The following INSL4 variants were observed in gnomAD, a reference collection of about 807,000 sequenced individuals.
INSL4 encodes insulin like 4.
INSL4 carries 7 observed loss-of-function variants against 6.5 expected under a neutral mutation model. That is an observed-to-expected ratio of 1.08 (90% confidence interval 0.61 to 2.02). The LOEUF (loss-of-function observed/expected upper bound fraction) is 2.02. Ranked by LOEUF, INSL4 falls within the 30% of genes most tolerant of loss-of-function variation. The pLI is 0.00. For synonymous variants in INSL4, 82 were observed against 65.8 expected (o/e 1.25, Z -1.19); for missense variants, 226 against 163.2 (o/e 1.38, Z -2.09).
chr9:5,231,770 C>T (rs757438594), intron 1 of INSL4, 51 bp downstream of exon 1: 3 of 1,519,116 alleles, frequency 2.0e-6, no homozygotes, highest in East Asian at 2.3e-5. Flanking sequence ...AAAAAACAGG[C>T]TCCAGATCTC....
chr9:5,233,637 T>A lies in INSL4; in HGVS notation c.197-17T>A. 6.3e-7 allele frequency: 1 copy of A among 1,593,960 alleles called. No homozygotes were observed. The highest frequency in any genetic ancestry group is 8.6e-7 in the Non-Finnish European group (1 of 1,162,966). ...AATGTTTTTCCTCACCTTTCATTCC[T>A]CTCTTTTACTTCACAGAAATGGTGT... On this transcript the variant is annotated splice_polypyrimidine_tract_variant and intron_variant, in intron 1 of 1. Transcript: ENST00000239316.
At position 5,231,706 on chromosome 9, in the gene INSL4, T is replaced by C; in HGVS notation, c.183T>C (p.Ser61=). 1 of 1,613,662 alleles carries C rather than the reference T, an allele frequency of 6.2e-7. No individual in the cohort carries two copies. The highest frequency in any genetic ancestry group is 8.5e-7 in the Non-Finnish European group (1 of 1,179,754). ...TTTPGGWLLE[S]GRPKEMVSTS... ...CCCCAGGAGGGTGGCTGCTGGAATC[T>C]GGACGTCCCAAAGGTGAGAGCCCTG... The change falls in exon 1 of 2, where the codon TCT becomes TCC. Residue 61 remains serine (S), a synonymous_variant. Coordinates refer to ENST00000239316, the MANE Select transcript of INSL4 (RefSeq NM_002195.2).
In INSL4 at chr9:5,233,951, T is replaced by A; in HGVS notation, c.*74T>A. Reference sequence around the variant, plus strand: ...AATGACAAATTCACTGATGCCCAATTAAATGATTGCTGTTTATTAGAACAT... The same window carrying A: ...AATGACAAATTCACTGATGCCCAATAAAATGATTGCTGTTTATTAGAACAT... On this transcript the variant is annotated 3_prime_UTR_variant, in exon 2 of 2. Transcript: ENST00000239316. 1 of 942,848 alleles carries A rather than the reference T, an allele frequency of 1.1e-6. No homozygotes were observed. The highest frequency in any genetic ancestry group is 1.7e-6 in the Non-Finnish European group (1 of 590,138). 58.4% of individuals were successfully genotyped at this position (942,848 alleles called of 1,614,324 possible). A position where few individuals can be genotyped will look rare whatever the true frequency, so the allele number is the denominator to read the frequency against.
rs1414255140 is a variant in INSL4, at chr9:5,231,427, G to C, written c.-97G>C. The C allele has an allele frequency of 8.4e-7, 1 of 1,195,526 alleles. No individual in the cohort carries two copies. The highest frequency in any genetic ancestry group is 2.4e-5 in the East Asian group (1 of 40,866). 74.1% of individuals were successfully genotyped at this position (1,195,526 alleles called of 1,614,324 possible). ...GAAGGCATGCAGAAAGCAGTCTGGA[G>C]CCCAGAAGGGACACACCAGCACAGT... On this transcript the variant is annotated 5_prime_UTR_variant, in exon 1 of 2. Coordinates refer to ENST00000239316, the MANE Select transcript of INSL4 (RefSeq NM_002195.2).
rs149004187 is a variant in INSL4 at position 5,231,673 on chromosome 9, C to T, written c.150C>T (p.Phe50=). The T allele has an allele frequency of 1.9e-5, 31 of 1,613,790 alleles. No homozygotes were observed. The African/African-American group carries it at 3.6e-4, about 19-fold the overall frequency. The change falls in exon 1 of 2, where the codon TTC becomes TTT. Residue 50 remains phenylalanine (F), a synonymous_variant. Coordinates refer to ENST00000239316, the MANE Select transcript of INSL4 (RefSeq NM_002195.2). ...LSYCPMPEKT[F]TTTPGGWLLE... ...ATTGCCCCATGCCTGAGAAGACATT[C>T]ACCACCACCCCAGGAGGGTGGCTGC... is the stretch of plus-strand genomic sequence containing the variant.
intron 1 of INSL4, among the ~76,000 whole-genome samples, chr9:5,232,695 A>G (rs967260138): frequency 1.3e-5 from 2 of 152,206 alleles, no homozygotes; most frequent in African/African-American, 2.4e-5. Context: ...AGAGGCTACT[A>G]TATTCTGTCT....
chr9:5,234,077 T>C lies in INSL4; in HGVS notation c.*200T>C, dbSNP rs555377027. 2.0e-5 allele frequency: 11 copies of C among 540,684 alleles called. No individual in the cohort carries two copies. The highest frequency in any genetic ancestry group is 1.8e-4 in the South Asian group (8 of 43,316). The allele number at this position is 540,684 out of a possible 1,614,324, so 33.5% of individuals were successfully genotyped here. ...AGATGGAATAAGTTCTAGTAGTTGA[T>C]AGTACAATGGGGAAATTATACTTAA... On this transcript the variant is annotated 3_prime_UTR_variant, in exon 2 of 2. Transcript: ENST00000239316.
In INSL4 at chr9:5,235,258, A is replaced by G. The variant is rs554803094; in HGVS notation, c.*1381A>G. 1.3e-5 allele frequency: 2 copies of G among 152,746 alleles called. No individual in the cohort carries two copies. The highest frequency in any genetic ancestry group is 1.9e-4 in the East Asian group (1 of 5,180). 9.5% of individuals were successfully genotyped at this position (152,746 alleles called of 1,614,324 possible). On this transcript the variant is annotated 3_prime_UTR_variant, in exon 2 of 2. Transcript: ENST00000239316. Reference sequence around the variant, plus strand: ...AGAGGATCTCAAACGATTCCACACAATGCAGCTATGGGGTTTAGGCTGCAT... The same window carrying G: ...AGAGGATCTCAAACGATTCCACACAGTGCAGCTATGGGGTTTAGGCTGCAT...
rs534278043 is a variant in INSL4, at chr9:5,234,657, G to C, written c.*780G>C. The C allele has an allele frequency of 1.3e-5, 2 of 152,330 alleles. No homozygotes were observed. The highest frequency in any genetic ancestry group is 2.1e-4 in the South Asian group (1 of 4,824). The allele number at this position is 152,330 out of a possible 1,614,324, so 9.4% of individuals were successfully genotyped here. On this transcript the variant is annotated 3_prime_UTR_variant, in exon 2 of 2. Transcript: ENST00000239316. ...AAGTGGTGAATTGGCACAAATACTG[G>C]CATTCCTCTGGCTACACATACCTCC...
chr9:5,235,264 C>T lies in INSL4; in HGVS notation c.*1387C>T, dbSNP rs983143158. On this transcript the variant is annotated 3_prime_UTR_variant, in exon 2 of 2. Transcript: ENST00000239316. ...TCTCAAACGATTCCACACAATGCAG[C>T]TATGGGGTTTAGGCTGCATCCTGGA... The T allele has an allele frequency of 1.3e-5, 2 of 152,574 alleles. No individual in the cohort carries two copies. The highest frequency in any genetic ancestry group is 1.5e-5 in the Non-Finnish European group (1 of 68,060). The allele number at this position is 152,574 out of a possible 1,614,324, so 9.5% of individuals were successfully genotyped here.
In INSL4 at chr9:5,234,096, T is replaced by C. The variant is rs1826191265; in HGVS notation, c.*219T>C. ...AGTTGATAGTACAATGGGGAAATTA[T>C]ACTTAACAATAATTCACTGTATATT... On this transcript the variant is annotated 3_prime_UTR_variant, in exon 2 of 2. Coordinates refer to ENST00000239316, the MANE Select transcript of INSL4 (RefSeq NM_002195.2). 8.1e-6 allele frequency: 4 copies of C among 494,756 alleles called. No homozygotes were observed. The highest frequency in any genetic ancestry group is 1.9e-5 in the African/African-American group (1 of 51,628). The allele number at this position is 494,756 out of a possible 1,614,324, so 30.6% of individuals were successfully genotyped here.
rs755031388 is a variant in INSL4 at position 5,233,785 on chromosome 9, T to C, written c.328T>C (p.Ser110Pro). 11 of 1,613,682 alleles carry C rather than the reference T, an allele frequency of 6.8e-6. No individual in the cohort carries two copies. The East Asian group carries it at 1.8e-4, about 26-fold the overall frequency. ...GQPSLKKIIL[S>P]RKKRSGRHRF... ...GCCATCATTGAAGAAAATAATACTT[T>C]CCCGCAAAAAGAGAAGTGGACGTCA... Residue 110 changes from serine to proline, a missense_variant, in exon 2 of 2, where the codon TCC (serine) becomes CCC (proline). By Grantham distance (74) the Ser-to-Pro change is moderately conservative. Coordinates refer to ENST00000239316, the MANE Select transcript of INSL4 (RefSeq NM_002195.2).
intron 1 of INSL4, 87 bp from the exon 2 acceptor site, chr9:5,233,567 G>A (rs1172521934): frequency 1.1e-6 from 1 of 950,748 alleles, no homozygotes; most frequent in South Asian, 1.5e-5. Context: ...TGGGTACATT[G>A]TGGTCTAGGC....
intron 1 of INSL4, among the ~76,000 whole-genome samples, chr9:5,232,590 C>A (rs1045981467): frequency 6.6e-6 from 1 of 152,062 alleles, no homozygotes; most frequent in Admixed American, 6.5e-5. Context: ...AGTTCAATAC[C>A]AGGATAGTTT....
rs1308100362 is a variant in INSL4 at position 5,234,917 on chromosome 9, C to T, written c.*1040C>T. On this transcript the variant is annotated 3_prime_UTR_variant, in exon 2 of 2. Transcript: ENST00000239316. Reference sequence around the variant, plus strand: ...GCAAAGGATAATAAGTGCAATGATACTTGTAGGTCATCATAGAGACTGTAA... The same window carrying T: ...GCAAAGGATAATAAGTGCAATGATATTTGTAGGTCATCATAGAGACTGTAA... 6.6e-6 allele frequency: 1 copy of T among 152,038 alleles called. No homozygotes were observed. Among genetic ancestry groups the T allele is most frequent in the Non-Finnish European group, 1.5e-5 (1 of 68,046 alleles). 9.4% of individuals were successfully genotyped at this position (152,038 alleles called of 1,614,324 possible).
chr9:5,231,428 C>T lies in INSL4; in HGVS notation c.-96C>T. ...AAGGCATGCAGAAAGCAGTCTGGAG[C>T]CCAGAAGGGACACACCAGCACAGTC... On this transcript the variant is annotated 5_prime_UTR_variant, in exon 1 of 2. Coordinates refer to ENST00000239316, the MANE Select transcript of INSL4 (RefSeq NM_002195.2). 1.7e-6 allele frequency: 2 copies of T among 1,203,804 alleles called. No individual in the cohort carries two copies. Among genetic ancestry groups the T allele is most frequent in the East Asian group, 4.9e-5 (2 of 40,930 alleles). 74.6% of individuals were successfully genotyped at this position (1,203,804 alleles called of 1,614,324 possible). A position where few individuals can be genotyped will look rare whatever the true frequency, so the allele number is the denominator to read the frequency against.
At position 5,234,115 on chromosome 9, in the gene INSL4, G is replaced by C. The variant is rs1043436612; in HGVS notation, c.*238G>C. Reference sequence around the variant, plus strand: ...AAATTATACTTAACAATAATTCACTGTATATTCCAAAATAGCTAGAAGAGA... The same window carrying C: ...AAATTATACTTAACAATAATTCACTCTATATTCCAAAATAGCTAGAAGAGA... On this transcript the variant is annotated 3_prime_UTR_variant, in exon 2 of 2. Transcript: ENST00000239316. The C allele has an allele frequency of 6.8e-6, 3 of 438,224 alleles. No individual in the cohort carries two copies. Among genetic ancestry groups the C allele is most frequent in the Non-Finnish European group, 1.2e-5 (3 of 242,894 alleles). The allele number at this position is 438,224 out of a possible 1,614,324, so 27.1% of individuals were successfully genotyped here.
chr9:5,234,707 A>G lies in INSL4; in HGVS notation c.*830A>G, dbSNP rs993511356. 1 of 152,120 alleles carries G rather than the reference A, an allele frequency of 6.6e-6. No individual in the cohort carries two copies. Among genetic ancestry groups the G allele is most frequent in the Non-Finnish European group, 1.5e-5 (1 of 68,008 alleles). 9.4% of individuals were successfully genotyped at this position (152,120 alleles called of 1,614,324 possible). ...CTCCCTATGTGTCTCTAAATCCTAA[A>G]TCAAAGAGTACATTTTATACTCTGT... On this transcript the variant is annotated 3_prime_UTR_variant, in exon 2 of 2. Coordinates refer to ENST00000239316, the MANE Select transcript of INSL4 (RefSeq NM_002195.2).
chr9:5,232,742 T>C (rs1299160547), intron 1 of INSL4, among the ~76,000 whole-genome samples: 1 of 152,190 alleles, frequency 6.6e-6, no homozygotes, highest in Non-Finnish European at 1.5e-5. Flanking sequence ...CTAAGTTAAA[T>C]TACTAAACAT....
Sources: gnomAD v4.1 joint callset for allele counts (sites outside exome capture counted in the v4.1 genomes callset) on GRCh38, gnomAD v4.1.1 for gene constraint, MANE v1.5 for transcripts, NCBI Gene and HGNC (gene_info 2026-07-23, HGNC 2026-07-21) for gene names.